CYTH3: variants seen among roughly 807,000 people sequenced by gnomAD.
CYTH3 encodes cytohesin 3, also known as cytohesin-3.
Under a neutral mutation model 55.1 loss-of-function variants are expected in CYTH3, and 23 were observed. The ratio of observed to expected loss-of-function variants is 0.42; its 90% CI spans 0.30 to 0.59. The LOEUF (loss-of-function observed/expected upper bound fraction) is 0.59, where lower values mean the gene tolerates loss of function less well. Ranked by LOEUF, CYTH3 falls within the 20% of genes least tolerant of loss-of-function variation. The pLI is 0.20. For missense variants in CYTH3, 413 were observed against 524.8 expected (o/e 0.79, Z 2.08); for synonymous variants, 249 against 194.9 (o/e 1.28, Z -2.31).
intron 5 of CYTH3, 39 bp from the exon 6 acceptor site, chr7:6,173,772 T>C (rs745964625): frequency 8.4e-7 from 1 of 1,191,368 alleles, no homozygotes; most frequent in Non-Finnish European, 1.3e-6. Context: ...CTAATGTACA[T>C]TATCGCAATC....
chr7:6,255,763 T>TG (rs1410585237), intron 1 of CYTH3, among the ~76,000 whole-genome samples: 21 of 140,156 alleles, frequency 1.5e-4, no homozygotes, highest in African/African-American at 5.9e-4. Flanking sequence ...AATCTGTTTT[T>TG]TTTTTTTTTT....
At chr7:6,207,925 G>A (rs1784232101) in intron 1 of CYTH3, among the ~76,000 whole-genome samples, 2 of 151,956 alleles carry the variant, frequency 1.3e-5, no homozygotes, top group African/African-American at 4.8e-5. Context: ...ACTGCAGCCT[G>A]GGTGACAGAG....
At chr7:6,227,766 G>A (rs1779292722) in intron 1 of CYTH3, among the ~76,000 whole-genome samples, 1 of 152,178 alleles carries the variant, frequency 6.6e-6, no homozygotes, top group Non-Finnish European at 1.5e-5. Flanking sequence ...GCATGTTCCA[G>A]GCCAATACGA....
Position 6,259,805 on chromosome 7 carries a change from A to AT in CYTH3, c.34+12668dup, listed in dbSNP as rs1780289251. On this transcript the variant is annotated intron_variant, in intron 1 of 12. Coordinates refer to ENST00000350796, the MANE Select transcript of CYTH3 (RefSeq NM_004227.4). ...ATATAATATATATATATATATATATATATATATAATATATATATATATATA... is the reference window on the plus strand; with the variant it reads ...ATATAATATATATATATATATATATATTATATATAATATATATATATATATA... 3.1e-4 allele frequency among the ~76,000 whole-genome samples: 8 copies of AT among 25,694 alleles called. 2 individuals are homozygous for AT. The highest frequency in any genetic ancestry group is 3.1e-3 in the African/African-American group (8 of 2,616). 16.9% of individuals were successfully genotyped at this position (25,694 alleles called of 152,430 possible).
chr7:6,225,039 G>A (rs1047867084), intron 1 of CYTH3, among the ~76,000 whole-genome samples: 1 of 152,208 alleles, frequency 6.6e-6, no homozygotes, highest in Admixed American at 6.5e-5. Flanking sequence ...GCTGGCGCTG[G>A]GGTAAGGACT....
chr7:6,270,828 T>G (rs1224397617), intron 1 of CYTH3, among the ~76,000 whole-genome samples: 1 of 152,212 alleles, frequency 6.6e-6, no homozygotes, highest in Non-Finnish European at 1.5e-5. Context: ...GTTATAGTAC[T>G]CAAGACCTGC....
chr7:6,248,173 T>C (rs890097607), intron 1 of CYTH3, among the ~76,000 whole-genome samples: 2 of 149,460 alleles, frequency 1.3e-5, no homozygotes, highest in South Asian at 4.2e-4. Context: ...TATTTTCTTT[T>C]GGAAACATGT....
chr7:6,181,240 TTTGC>T (rs1246363044), intron 4 of CYTH3, among the ~76,000 whole-genome samples: 1 of 152,202 alleles, frequency 6.6e-6, no homozygotes, highest in African/African-American at 2.4e-5. Context: ...CATTCAAAGT[TTTGC>T]TTGTTTCTTT....
rs673844 is a variant in CYTH3, at chr7:6,162,132, C to A, written c.*2812G>T. On this transcript the variant is annotated 3_prime_UTR_variant, in exon 13 of 13. Transcript: ENST00000350796. ...ATTGCTTTCTATGAAGCACTAAGTG[C>A]TGCTCCATCTATAAATAGCTCCTAT... 1.3e-5 allele frequency: 2 copies of A among 152,646 alleles called. No individual in the cohort carries two copies. Among genetic ancestry groups the A allele is most frequent in the Admixed American group, 6.5e-5 (1 of 15,286 alleles). 9.5% of individuals were successfully genotyped at this position (152,646 alleles called of 1,614,324 possible).
At chr7:6,198,762 C>T (rs891248106) in intron 1 of CYTH3, among the ~76,000 whole-genome samples, 4 of 142,864 alleles carry the variant, frequency 2.8e-5, no homozygotes, top group African/African-American at 8.5e-5. Context: ...CCTCCAACCT[C>T]AATAAAGCTG....
chr7:6,172,603 G>A, intron 6 of CYTH3: 1 of 671,250 alleles, frequency 1.5e-6, no homozygotes, highest in Non-Finnish European at 1.9e-6. Context: ...CCCTCTACGG[G>A]GCTATGCCAG....
intron 1 of CYTH3, among the ~76,000 whole-genome samples, chr7:6,250,441 C>G (rs1414882816): frequency 1.3e-5 from 2 of 152,206 alleles, no homozygotes; most frequent in African/African-American, 2.4e-5. Context: ...CAAAACCTCT[C>G]TGACCACTCC....
chr7:6,185,847 C>T (rs1444419237), intron 4 of CYTH3, among the ~76,000 whole-genome samples: 1 of 152,076 alleles, frequency 6.6e-6, no homozygotes, highest in African/African-American at 2.4e-5. Context: ...GATCTTAGAC[C>T]TTGTACAATG....
chr7:6,257,580 G>A (rs927828045), intron 1 of CYTH3, among the ~76,000 whole-genome samples: 1 of 152,196 alleles, frequency 6.6e-6, no homozygotes, highest in African/African-American at 2.4e-5. Context: ...TAAAAGGGGA[G>A]AAAGTGTTAG....
At chr7:6,172,344 C>T (rs1006464676) in intron 6 of CYTH3, among the ~76,000 whole-genome samples, 1 of 152,092 alleles carries the variant, frequency 6.6e-6, no homozygotes, top group Non-Finnish European at 1.5e-5. Context: ...CTCCGCCAGG[C>T]CTGCACCAGC....
intron 1 of CYTH3, among the ~76,000 whole-genome samples, chr7:6,220,724 G>A (rs565839553): frequency 1.1e-4 from 16 of 152,126 alleles, no homozygotes; most frequent in South Asian, 4.2e-4. Context: ...AGCCGGGCGC[G>A]GTGGCTCACA....
At chr7:6,234,590 C>A (rs138276274) in intron 1 of CYTH3, among the ~76,000 whole-genome samples, 1,603 of 152,266 alleles carry the variant, frequency 0.011, 30 homozygotes, top group African/African-American at 0.036. Flanking sequence ...GGGCTGGTCT[C>A]GGGACATCCC....
chr7:6,218,987 G>C (rs1307123616), intron 1 of CYTH3, among the ~76,000 whole-genome samples: 1 of 142,858 alleles, frequency 7.0e-6, no homozygotes, highest in Non-Finnish European at 1.5e-5. Context: ...GCTGGCAACG[G>C]GGAGAGACTC....
rs148751728 is a variant in CYTH3, at chr7:6,205,560, T to A, written c.35-15029A>T. On this transcript the variant is annotated intron_variant, in intron 1 of 12. Coordinates refer to ENST00000350796, the MANE Select transcript of CYTH3 (RefSeq NM_004227.4). The stretch of plus-strand genomic sequence containing the variant: ...CTGCACTCCAGCCTGGGCAAAAGAA[T>A]GAGACTCCGTCTCCAACAAACAAAT... Among the ~76,000 whole-genome samples, 79 of 152,208 alleles carry A rather than the reference T, an allele frequency of 5.2e-4. 3 individuals carry two copies. In the East Asian group the frequency reaches 0.013, roughly 26 times the overall value.
Sources: gnomAD v4.1 joint callset for allele counts (sites outside exome capture counted in the v4.1 genomes callset) on GRCh38, gnomAD v4.1.1 for gene constraint, MANE v1.5 for transcripts, NCBI Gene and HGNC (gene_info 2026-07-23, HGNC 2026-07-21) for gene names.